ATP9A: variants seen among roughly 807,000 people sequenced by gnomAD.
The protein encoded by ATP9A is ATPase phospholipid transporting 9A.
Under a neutral mutation model 144.1 loss-of-function variants are expected in ATP9A, and 52 were observed. That is an observed-to-expected ratio of 0.36 (90% CI 0.29 to 0.45). ATP9A has a LOEUF of 0.45. ATP9A is among the 20% of genes least tolerant of loss of function. ATP9A has a pLI of 1.00. For missense variants in ATP9A, 947 were observed against 1,392.7 expected (o/e 0.68, Z 5.09); for synonymous variants, 582 against 557.4 (o/e 1.04, Z -0.62).
At chr20:51,662,408 G>A (rs562519289) in intron 13 of ATP9A, among the ~76,000 whole-genome samples, 1 of 152,078 alleles carries the variant, frequency 6.6e-6, no homozygotes, top group East Asian at 1.9e-4. Flanking sequence ...AGCTGGGCGT[G>A]GTGGCAGGTG....
intron 1 of ATP9A, among the ~76,000 whole-genome samples, chr20:51,739,266 G>A (rs945702740): frequency 6.6e-6 from 1 of 151,818 alleles, no homozygotes; most frequent in Non-Finnish European, 1.5e-5. Context: ...CCCAGAGAGG[G>A]TCCCCTTCCA....
rs576714365 is a variant in ATP9A, at chr20:51,757,811, C to A, written c.68+10491G>T. Reference sequence around the variant, plus strand: ...ATCCCAGCTACTGGGGAGGCTGCAGCGGTAGGATTGTTTGAACCCAGGAGG... The same window carrying A: ...ATCCCAGCTACTGGGGAGGCTGCAGAGGTAGGATTGTTTGAACCCAGGAGG... On this transcript the variant is annotated intron_variant, in intron 1 of 27. Coordinates refer to ENST00000338821, the MANE Select transcript of ATP9A (RefSeq NM_006045.3). Among the ~76,000 whole-genome samples the A allele has an allele frequency of 9.9e-5, 15 of 151,684 alleles. No homozygotes were observed. In the South Asian group the frequency reaches 3.1e-3, roughly 32 times the overall value.
At chr20:51,688,452 C>T (rs2077532953) in intron 9 of ATP9A, among the ~76,000 whole-genome samples, 1 of 151,868 alleles carries the variant, frequency 6.6e-6, no homozygotes, top group Non-Finnish European at 1.5e-5. Context: ...AATTAGCCAG[C>T]GTGGTGGTGC....
chr20:51,608,956 G>C (rs1272810955), intron 24 of ATP9A, among the ~76,000 whole-genome samples: 1 of 27,042 alleles, frequency 3.7e-5, no homozygotes, highest in East Asian at 8.5e-4. Flanking sequence ...TGTGTGTGTA[G>C]GGGGTGATGG....
At chr20:51,658,902 GGAA>G (rs1211700116) in intron 13 of ATP9A, among the ~76,000 whole-genome samples, 6 of 132,452 alleles carry the variant, frequency 4.5e-5, no homozygotes, top group African/African-American at 5.9e-5. Context: ...GGGGGGGGGG[GGAA>G]GGCTCATTGT....
chr20:51,603,336 G>A (rs999786868), intron 27 of ATP9A, among the ~76,000 whole-genome samples: 3 of 152,206 alleles, frequency 2.0e-5, no homozygotes, highest in Admixed American at 1.3e-4. Context: ...AAGCCATAGC[G>A]GCTTGAGTTT....
chr20:51,620,305 T>C (rs537665797), intron 19 of ATP9A, among the ~76,000 whole-genome samples: 52 of 152,322 alleles, frequency 3.4e-4, no homozygotes, highest in Non-Finnish European at 7.1e-4. Flanking sequence ...GGTCATTAGT[T>C]TGCAATCCCT....
intron 1 of ATP9A, among the ~76,000 whole-genome samples, chr20:51,742,145 G>C (rs779210011): frequency 2.3e-4 from 35 of 152,030 alleles, no homozygotes; most frequent in Non-Finnish European, 4.1e-4. Context: ...GCAACACGGT[G>C]AGACCTCATC....
chr20:51,660,690 T>A (rs2077407074), intron 13 of ATP9A, among the ~76,000 whole-genome samples: 1 of 152,210 alleles, frequency 6.6e-6, no homozygotes, highest in Non-Finnish European at 1.5e-5. Flanking sequence ...TGCGCATACA[T>A]CCTTAAGGCA....
chr20:51,730,007 C>A, intron 1 of ATP9A, 29 bp from the exon 2 acceptor site: 1 of 1,494,600 alleles, frequency 6.7e-7, no homozygotes, highest in Non-Finnish European at 8.9e-7. Context: ...CGCATCAAGG[C>A]CACGCCCACG....
chr20:51,642,976 C>T (rs537344649), intron 14 of ATP9A, among the ~76,000 whole-genome samples: 4 of 152,220 alleles, frequency 2.6e-5, no homozygotes, highest in African/African-American at 7.2e-5. Context: ...CCCCAGCCCC[C>T]ACAGGCCTCT....
chr20:51,644,049 C>T (rs78740028), intron 14 of ATP9A, among the ~76,000 whole-genome samples: 8,203 of 151,982 alleles, frequency 0.054, 246 homozygotes, highest in African/African-American at 0.078. Flanking sequence ...GCAGGAGAAT[C>T]GCGTGAACCC....
chr20:51,622,281 T>C, intron 18 of ATP9A, 109 bp from the exon 19 acceptor site: 1 of 868,304 alleles, frequency 1.2e-6, no homozygotes. Context: ...TATGTTCCGT[T>C]TACCTCCTGC....
At position 51,712,253 on chromosome 20, in the gene ATP9A, T is replaced by G. The variant is rs374546009; in HGVS notation, c.436+713A>C. Among the ~76,000 whole-genome samples, 13 of 152,142 alleles carry G rather than the reference T, an allele frequency of 8.5e-5. No individual in the cohort carries two copies. The East Asian group carries it at 2.5e-3, about 29-fold the overall frequency. On this transcript the variant is annotated intron_variant, in intron 4 of 27. Transcript: ENST00000338821. ...ATGCCCGGCTAATTTTTTTTGTATT[T>G]TTAGTAGAGACAGGGTTTCACCATG...
In ATP9A at chr20:51,674,329, C is replaced by T; in HGVS notation, c.877-16G>A. The T allele has an allele frequency of 6.2e-7, 1 of 1,611,584 alleles. No homozygotes were observed. The highest frequency in any genetic ancestry group is 1.7e-4 in the Middle Eastern group (1 of 6,044). On this transcript the variant is annotated splice_polypyrimidine_tract_variant and intron_variant, in intron 10 of 27. Coordinates refer to ENST00000338821, the MANE Select transcript of ATP9A (RefSeq NM_006045.3). ...ACAGGCCGATCTGTGGGACGAAGCA[C>T]AAACCAGGGCTTGAGATGAGCTGGT... is the stretch of plus-strand genomic sequence containing the variant.
chr20:51,696,274 CT>C, intron 5 of ATP9A, 130 bp from the exon 6 acceptor site: 1 of 663,482 alleles, frequency 1.5e-6, no homozygotes, highest in Non-Finnish European at 2.6e-6. Flanking sequence ...CTCACAGACT[CT>C]TTTACGTTTC....
intron 19 of ATP9A, among the ~76,000 whole-genome samples, chr20:51,621,033 G>A (rs1200521796): frequency 6.6e-6 from 1 of 151,852 alleles, no homozygotes; most frequent in Admixed American, 6.6e-5. Context: ...TGTAATCCCA[G>A]CTACTTGGGA....
chr20:51,649,770 CG>C (rs984197770), intron 14 of ATP9A, among the ~76,000 whole-genome samples: 2 of 151,932 alleles, frequency 1.3e-5, no homozygotes, highest in African/African-American at 4.8e-5. Flanking sequence ...CAAAATTAGC[CG>C]GGCGTGGTGG....
chr20:51,677,387 T>A (rs976550932), intron 9 of ATP9A, among the ~76,000 whole-genome samples: 16 of 152,214 alleles, frequency 1.1e-4, no homozygotes, highest in Non-Finnish European at 2.4e-4. Context: ...TCCCTAGCCC[T>A]GTTTCATGGC....
Sources: allele counts gnomAD v4.1 joint callset (sites outside exome capture counted in the v4.1 genomes callset), GRCh38; gene constraint gnomAD v4.1.1; transcripts MANE v1.5; gene names NCBI Gene and HGNC (gene_info 2026-07-23, HGNC 2026-07-21).